Variants in CDH4 observed in about 807,000 individuals in gnomAD.
The protein encoded by CDH4 is cadherin-4.
A neutral mutation model predicts 86.0 loss-of-function variants in CDH4; 33 were observed. The ratio of observed to expected loss-of-function variants is 0.38; its 90% CI spans 0.29 to 0.51. The LOEUF (loss-of-function observed/expected upper bound fraction) is 0.51, where lower values mean the gene tolerates loss of function less well. Among genes scored for constraint, CDH4 ranks in the 20% least tolerant of loss-of-function variants. CDH4 has a pLI of 0.86. For synonymous variants in CDH4, 555 were observed against 549.4 expected, an observed-to-expected ratio of 1.01 and a Z score of -0.14; for missense variants, 1,114 against 1,307.4, an observed-to-expected ratio of 0.85 and a Z score of 2.28.
At chr20:61,376,839 G>C (rs183049940) in intron 2 of CDH4, among the ~76,000 whole-genome samples, 6 of 152,202 alleles carry the variant, frequency 3.9e-5, no homozygotes, top group Non-Finnish European at 8.8e-5. Flanking sequence ...CATTGGCACC[G>C]GGAGGCACTA....
intron 2 of CDH4, among the ~76,000 whole-genome samples, chr20:61,352,328 T>TA (rs376024377): frequency 3.3e-5 from 5 of 152,158 alleles, no homozygotes; most frequent in African/African-American, 1.2e-4. Flanking sequence ...TTACCTCGTT[T>TA]AAAAAAAATC....
intron 2 of CDH4, among the ~76,000 whole-genome samples, chr20:61,555,983 T>C (rs573620781): frequency 1.3e-5 from 2 of 152,314 alleles, no homozygotes; most frequent in South Asian, 4.1e-4. Flanking sequence ...ACATTGTGTA[T>C]GTACCGCCCT....
At chr20:61,826,650 C>G (rs796140188) in intron 4 of CDH4, among the ~76,000 whole-genome samples, 9 of 152,320 alleles carry the variant, frequency 5.9e-5, no homozygotes, top group African/African-American at 2.2e-4. Context: ...GCAAAGACCT[C>G]CACAAATGTT....
chr20:61,572,653 G>A (rs374911574), intron 2 of CDH4, among the ~76,000 whole-genome samples: 4 of 152,230 alleles, frequency 2.6e-5, no homozygotes, highest in Admixed American at 1.3e-4. Flanking sequence ...AGGACAGCGC[G>A]TCTTTGTATG....
chr20:61,295,345 G>A (rs570848229), intron 2 of CDH4, among the ~76,000 whole-genome samples: 29 of 152,170 alleles, frequency 1.9e-4, no homozygotes, highest in Non-Finnish European at 3.7e-4. Flanking sequence ...CTGGAGTCCA[G>A]CACCCGAAAG....
chr20:61,620,006 A>G (rs2086757128), intron 2 of CDH4, among the ~76,000 whole-genome samples: 1 of 152,162 alleles, frequency 6.6e-6, no homozygotes, highest in Non-Finnish European at 1.5e-5. Context: ...TACAGCTGGT[A>G]ATGGGCCCAG....
chr20:61,316,441 T>C (rs2084476624), intron 2 of CDH4, among the ~76,000 whole-genome samples: 1 of 152,182 alleles, frequency 6.6e-6, no homozygotes, highest in South Asian at 2.1e-4. Flanking sequence ...GCAGAACAAA[T>C]GTGTTGTTCC....
chr20:61,499,966 G>A (rs979885362), intron 2 of CDH4, among the ~76,000 whole-genome samples: 4 of 152,148 alleles, frequency 2.6e-5, no homozygotes, highest in Non-Finnish European at 5.9e-5. Context: ...AGGCACGGGC[G>A]CAGCTTACAT....
chr20:61,477,583 C>G (rs2085545663), intron 2 of CDH4, among the ~76,000 whole-genome samples: 1 of 152,216 alleles, frequency 6.6e-6, no homozygotes, highest in African/African-American at 2.4e-5. Context: ...CACATCCCGC[C>G]TTCCTTGAGC....
At chr20:61,781,766 C>T (rs1978559417) in intron 4 of CDH4, among the ~76,000 whole-genome samples, 1 of 152,114 alleles carries the variant, frequency 6.6e-6, no homozygotes, top group South Asian at 2.1e-4. Context: ...TTCAAGAAAC[C>T]CAGTGAACCC....
At chr20:61,859,569 A>G (rs1328638919) in intron 6 of CDH4, among the ~76,000 whole-genome samples, 1 of 152,234 alleles carries the variant, frequency 6.6e-6, no homozygotes, top group African/African-American at 2.4e-5. Flanking sequence ...TAATTTTTAT[A>G]TAACATGTGA....
At chr20:61,627,800 C>T (rs889114953) in intron 2 of CDH4, among the ~76,000 whole-genome samples, 5 of 152,000 alleles carry the variant, frequency 3.3e-5, no homozygotes, top group African/African-American at 9.7e-5. Flanking sequence ...GGTCCCTGCC[C>T]GCTAGGGTGG....
At chr20:61,859,074 G>A (rs755214545) in intron 6 of CDH4, among the ~76,000 whole-genome samples, 57 of 152,244 alleles carry the variant, frequency 3.7e-4, no homozygotes, top group Admixed American at 2.2e-3. Context: ...AGCATCTGAC[G>A]TTGTCATCAC....
rs1370638254 is a variant in CDH4 at position 61,352,911 on chromosome 20, C to G, written c.169+97974C>G. Among the ~76,000 whole-genome samples the G allele has an allele frequency of 2.6e-5, 4 of 152,134 alleles. No homozygotes were observed. The East Asian group carries it at 5.8e-4, about 22-fold the overall frequency. On this transcript the variant is annotated intron_variant, in intron 2 of 15. Coordinates refer to ENST00000614565, the MANE Select transcript of CDH4 (RefSeq NM_001794.5). The stretch of plus-strand genomic sequence containing the variant: ...GGAGTGTGTCAATGTCCCATCCTTG[C>G]GGCGCACAGGAGGTTCCAGGACCCA...
At chr20:61,750,760 A>C (rs6142678) in intron 3 of CDH4, among the ~76,000 whole-genome samples, 45,912 of 152,100 alleles carry the variant, frequency 0.3, 8,101 homozygotes, top group African/African-American at 0.48. Flanking sequence ...AAGAACCTGT[A>C]CTAAGTTACT....
chr20:61,935,020 G>A (rs1200938265), intron 15 of CDH4, among the ~76,000 whole-genome samples: 1 of 152,228 alleles, frequency 6.6e-6, no homozygotes, highest in Admixed American at 6.5e-5. Flanking sequence ...GAGAACAGAG[G>A]AGCAAGTCAA....
Position 61,310,097 on chromosome 20 carries a change from C to A in CDH4, c.169+55160C>A, listed in dbSNP as rs1420851039. 2.0e-5 allele frequency among the ~76,000 whole-genome samples: 3 copies of A among 152,176 alleles called. No individual in the cohort carries two copies. In the East Asian group the frequency reaches 5.8e-4, roughly 29 times the overall value. The stretch of plus-strand genomic sequence containing the variant: ...TGGATGGCTTAGGTCACCTGCCCCC[C>A]TCCAAAGCCCATGGGAATGTGGGCT... On this transcript the variant is annotated intron_variant, in intron 2 of 15. Transcript: ENST00000614565.
At chr20:61,432,496 G>C (rs916395022) in intron 2 of CDH4, among the ~76,000 whole-genome samples, 24 of 152,060 alleles carry the variant, frequency 1.6e-4, no homozygotes, top group Middle Eastern at 3.4e-3. Context: ...TCTTCTTCTT[G>C]TTGGGTTGTA....
intron 2 of CDH4, among the ~76,000 whole-genome samples, chr20:61,678,285 TGATGGATGGATGGGTG>T (rs2087469433): frequency 6.6e-6 from 1 of 151,746 alleles, no homozygotes; most frequent in Non-Finnish European, 1.5e-5. Flanking sequence ...GATAGATACA[TGATGGATGGATGGGTG>T]GATGGATGGA....
Sources: gnomAD v4.1 joint callset for allele counts (sites outside exome capture counted in the v4.1 genomes callset) on GRCh38, gnomAD v4.1.1 for gene constraint, MANE v1.5 for transcripts, NCBI Gene and HGNC (gene_info 2026-07-23, HGNC 2026-07-21) for gene names.